Variants in R3HDM2 observed in about 807,000 individuals in gnomAD.
R3HDM2 encodes the protein R3H domain containing 2.
Under a neutral mutation model 124.5 loss-of-function variants are expected in R3HDM2, and 38 were observed. That is an observed-to-expected ratio of 0.31 (90% CI 0.24 to 0.40). The LOEUF (loss-of-function observed/expected upper bound fraction) is 0.40. R3HDM2 is among the 10% of genes least tolerant of loss of function. The pLI is 1.00. For missense variants in R3HDM2, 869 were observed against 1,236.9 expected (o/e 0.70, Z 4.46); for synonymous variants, 391 against 448.0 (o/e 0.87, Z 1.61).
At chr12:57,375,750 A>G (rs10876978) in intron 2 of R3HDM2, among the ~76,000 whole-genome samples, 65,308 of 149,850 alleles carry the variant, frequency 0.44, 14,921 homozygotes, top group South Asian at 0.52. Flanking sequence ...TCGGCTCACT[A>G]CAACCTCTGA....
intron 2 of R3HDM2, among the ~76,000 whole-genome samples, chr12:57,358,931 T>TC (rs2061587530): frequency 1.3e-5 from 2 of 151,776 alleles, no homozygotes; most frequent in African/African-American, 4.8e-5. Context: ...TTTTCTTTTT[T>TC]TTTTTTGAGG....
chr12:57,327,312 T>A (rs1436755297), intron 2 of R3HDM2, among the ~76,000 whole-genome samples: 1 of 151,588 alleles, frequency 6.6e-6, no homozygotes, highest in Non-Finnish European at 1.5e-5. Context: ...ACTAAAAATA[T>A]AAAAATTAGC....
rs147725955 is a variant in R3HDM2 at position 57,394,245 on chromosome 12, C to T, written c.-36+1504G>A. On this transcript the variant is annotated intron_variant, in intron 2 of 23. Coordinates refer to ENST00000402412, the MANE Select transcript of R3HDM2 (RefSeq NM_001394031.1). Reference sequence around the variant, plus strand: ...CTGGGAGGCAGAGGTTAAAGTGAGCCGAGATCGCGCCACTGCACTCCAGCC... The same window carrying T: ...CTGGGAGGCAGAGGTTAAAGTGAGCTGAGATCGCGCCACTGCACTCCAGCC... Among the ~76,000 whole-genome samples the T allele has an allele frequency of 2.1e-3, 325 of 151,458 alleles. 9 individuals carry two copies. The East Asian group carries it at 0.05, about 23-fold the overall frequency.
At chr12:57,388,105 C>T (rs1017345379) in intron 2 of R3HDM2, among the ~76,000 whole-genome samples, 1 of 152,132 alleles carries the variant, frequency 6.6e-6, no homozygotes, top group African/African-American at 2.4e-5. Flanking sequence ...GCTGGGATTA[C>T]AGGCGCCTGC....
intron 4 of R3HDM2, 88 bp from the exon 5 acceptor site, chr12:57,300,269 A>T (rs2050827300): frequency 5.1e-6 from 6 of 1,165,768 alleles, no homozygotes; most frequent in Non-Finnish European, 7.4e-6. Context: ...CTTTTGGCTG[A>T]ATGAAAAGTG....
At chr12:57,401,543 A>C (rs1266430498) in intron 1 of R3HDM2, among the ~76,000 whole-genome samples, 1 of 152,246 alleles carries the variant, frequency 6.6e-6, no homozygotes, top group Non-Finnish European at 1.5e-5. Context: ...TCAAATTGCC[A>C]GCCCACTTAA....
intron 2 of R3HDM2, among the ~76,000 whole-genome samples, chr12:57,342,226 T>C (rs558451608): frequency 7.2e-5 from 11 of 152,258 alleles, no homozygotes; most frequent in Admixed American, 5.9e-4. Context: ...GGAGACTTCA[T>C]TGTAAAGATC....
chr12:57,307,775 G>A (rs2053017601), intron 3 of R3HDM2, among the ~76,000 whole-genome samples: 1 of 151,742 alleles, frequency 6.6e-6, no homozygotes, highest in African/African-American at 2.4e-5. Flanking sequence ...ACAGGGACAC[G>A]CCACATGCCC....
At chr12:57,318,973 A>C (rs2055775153) in intron 2 of R3HDM2, among the ~76,000 whole-genome samples, 1 of 152,186 alleles carries the variant, frequency 6.6e-6, no homozygotes, top group South Asian at 2.1e-4. Context: ...TTTATACAAT[A>C]CTGCCTCTAA....
intron 14 of R3HDM2, among the ~76,000 whole-genome samples, chr12:57,271,940 G>A (rs1342268123): frequency 6.6e-6 from 1 of 150,638 alleles, no homozygotes; most frequent in South Asian, 2.1e-4. Flanking sequence ...TGTCCAGGCT[G>A]GAGTGCAGTG....
chr12:57,377,033 G>C (rs565976174), intron 2 of R3HDM2, among the ~76,000 whole-genome samples: 6 of 148,324 alleles, frequency 4.0e-5, no homozygotes, highest in Non-Finnish European at 8.9e-5. Context: ...TTGTTTTTTC[G>C]CTCTTTGCAA....
At chr12:57,366,139 C>T (rs1249569353) in intron 2 of R3HDM2, among the ~76,000 whole-genome samples, 1 of 152,112 alleles carries the variant, frequency 6.6e-6, no homozygotes, top group Non-Finnish European at 1.5e-5. Flanking sequence ...TGACACTCTT[C>T]ACTTATTTTT....
chr12:57,423,832 A>G (rs573736993), intron 1 of R3HDM2, among the ~76,000 whole-genome samples: 2 of 108,712 alleles, frequency 1.8e-5, no homozygotes, highest in Non-Finnish European at 3.8e-5. Flanking sequence ...AAAAAAAAAA[A>G]GGCCAGGTGC....
At chr12:57,364,681 G>A (rs560246503) in intron 2 of R3HDM2, among the ~76,000 whole-genome samples, 15 of 152,062 alleles carry the variant, frequency 9.9e-5, no homozygotes, top group Non-Finnish European at 2.1e-4. Context: ...CAGGCGGGGC[G>A]CAGTGGCTCA....
intron 2 of R3HDM2, among the ~76,000 whole-genome samples, chr12:57,385,783 A>G (rs1057251922): frequency 1.1e-4 from 16 of 152,190 alleles, no homozygotes; most frequent in African/African-American, 3.9e-4. Context: ...ACTAGACAGA[A>G]GAGCAGCTCT....
chr12:57,430,563 G>A, intron 1 of R3HDM2, 157 bp downstream of exon 1: 1 of 982,472 alleles, frequency 1.0e-6, no homozygotes, highest in Non-Finnish European at 1.2e-6. Flanking sequence ...AGTCCTTCCC[G>A]CGGCCATCCG....
intron 14 of R3HDM2, among the ~76,000 whole-genome samples, chr12:57,274,271 C>T (rs913658628): frequency 4.6e-5 from 7 of 152,066 alleles, no homozygotes; most frequent in Admixed American, 3.3e-4. Flanking sequence ...CCACCTGAGT[C>T]GAGACCAGCC....
intron 2 of R3HDM2, among the ~76,000 whole-genome samples, chr12:57,375,917 C>T (rs1050945630): frequency 1.3e-5 from 2 of 152,102 alleles, no homozygotes; most frequent in African/African-American, 4.8e-5. Context: ...CGTGATCCAC[C>T]CACCTCGGCC....
rs981528744 is a variant in R3HDM2 at position 57,262,104 on chromosome 12, G to A, written c.2132-3045C>T. The stretch of plus-strand genomic sequence containing the variant: ...CTTACCACCAGAAATCACATCTATG[G>A]AAAGGAATTGTTTGGAGAAATAAAA... On this transcript the variant is annotated intron_variant, in intron 19 of 23. Coordinates refer to ENST00000402412, the MANE Select transcript of R3HDM2 (RefSeq NM_001394031.1). Among the ~76,000 whole-genome samples, 11 of 152,188 alleles carry A rather than the reference G, an allele frequency of 7.2e-5. 1 individual carries two copies. Among genetic ancestry groups the A allele is most frequent in the Non-Finnish European group, 1.0e-4 (7 of 68,012 alleles).
Sources: allele counts gnomAD v4.1 joint callset (sites outside exome capture counted in the v4.1 genomes callset), GRCh38; gene constraint gnomAD v4.1.1; transcripts MANE v1.5; gene names NCBI Gene and HGNC (gene_info 2026-07-23, HGNC 2026-07-21).